APLF: variants seen among roughly 807,000 people sequenced by gnomAD.
APLF encodes the protein aprataxin and PNKP like factor.
A neutral mutation model predicts 55.6 loss-of-function variants in APLF; 61 were observed. That is an observed-to-expected ratio of 1.10 (90% CI 0.89 to 1.36). The LOEUF (loss-of-function observed/expected upper bound fraction) is 1.36, where lower values mean the gene tolerates loss of function less well. Ranked by LOEUF, APLF falls within the 40% of genes most tolerant of loss-of-function variation. The pLI, the probability that APLF is intolerant of heterozygous loss-of-function variation, is 0.00. For missense variants in APLF, 611 were observed against 602.5 expected (o/e 1.01, Z -0.15); for synonymous variants, 207 against 214.8 (o/e 0.96, Z 0.32).
rs1272581881 is a variant in APLF at position 68,579,123 on chromosome 2, T to C, written c.*1101T>C. ...TGTTAAATGCTATTATTTTCTACTC[T>C]AAAGGAACCTAAAAATTTATATCTT... On this transcript the variant is annotated 3_prime_UTR_variant, in exon 10 of 10. Coordinates refer to ENST00000303795, the MANE Select transcript of APLF (RefSeq NM_173545.3). The C allele has an allele frequency of 7.7e-6, 7 of 914,298 alleles. No individual in the cohort carries two copies. The highest frequency in any genetic ancestry group is 9.1e-6 in the Non-Finnish European group (7 of 765,592). The allele number at this position is 914,298 out of a possible 1,614,324, so 56.6% of individuals were successfully genotyped here.
chr2:68,526,336 C>G, intron 6 of APLF, 94 bp downstream of exon 6: 1 of 1,456,714 alleles, frequency 6.9e-7, no homozygotes, highest in Non-Finnish European at 9.4e-7. Context: ...TCAAAACTGC[C>G]TTTTATTGTT....
intron 1 of APLF, among the ~76,000 whole-genome samples, chr2:68,486,950 C>G (rs1676194994): frequency 2.0e-5 from 3 of 152,130 alleles, no homozygotes; most frequent in South Asian, 4.1e-4. Flanking sequence ...TAAATGGCCT[C>G]TAACCAGTGT....
rs1671731366 is a variant in APLF at position 68,580,133 on chromosome 2, A to G, written c.*2111A>G. ...CCTGAAGACACTTTTGAGTATAACT[A>G]TTGTATAAATAAATGTATAGCTTAA... On this transcript the variant is annotated 3_prime_UTR_variant, in exon 10 of 10. Coordinates refer to ENST00000303795, the MANE Select transcript of APLF (RefSeq NM_173545.3). The G allele has an allele frequency of 9.6e-6, 9 of 935,566 alleles. No individual in the cohort carries two copies. Among genetic ancestry groups the G allele is most frequent in the African/African-American group, 1.8e-5 (1 of 56,226 alleles). 58.0% of individuals were successfully genotyped at this position (935,566 alleles called of 1,614,324 possible).
rs1172926696 is a variant in APLF at position 68,467,800 on chromosome 2, G to T, written c.69G>T (p.Thr23=). Residue 23 remains threonine (T), a synonymous_variant, in exon 1 of 10, where the codon ACG becomes ACT. Transcript: ENST00000303795. ...GGGTGGCCCTGGCGCCCGGGGAGACGGTGATCGGCCGCGGGCCGCTGCTGG... is the reference window on the plus strand; with the variant it reads ...GGGTGGCCCTGGCGCCCGGGGAGACTGTGATCGGCCGCGGGCCGCTGCTGG... ...GPRVALAPGE[T]VIGRGPLLGI... is the part of the protein sequence containing the mutation. 1 of 1,233,990 alleles carries T rather than the reference G, an allele frequency of 8.1e-7. No homozygotes were observed. Among genetic ancestry groups the T allele is most frequent in the Non-Finnish European group, 1.0e-6 (1 of 988,168 alleles). The allele number at this position is 1,233,990 out of a possible 1,614,324, so 76.4% of individuals were successfully genotyped here.
chr2:68,517,467 A>G (rs1160738545), intron 5 of APLF, among the ~76,000 whole-genome samples: 1 of 138,938 alleles, frequency 7.2e-6, no homozygotes, highest in African/African-American at 2.6e-5. Context: ...TTAATATATC[A>G]ATGTTATTAC....
intron 2 of APLF, among the ~76,000 whole-genome samples, chr2:68,494,735 T>C (rs1460589578): frequency 6.6e-6 from 1 of 152,154 alleles, no homozygotes; most frequent in Non-Finnish European, 1.5e-5. Flanking sequence ...CTCCCACTTA[T>C]AAGTGAGAAC....
chr2:68,513,296 C>G, intron 4 of APLF, 69 bp downstream of exon 4: 1 of 1,492,634 alleles, frequency 6.7e-7, no homozygotes, highest in Admixed American at 2.4e-5. Context: ...GAAAAGACAA[C>G]TGAAATTAGG....
At chr2:68,551,848 A>G (rs182348232) in intron 8 of APLF, among the ~76,000 whole-genome samples, 1 of 151,972 alleles carries the variant, frequency 6.6e-6, no homozygotes, top group African/African-American at 2.4e-5. Flanking sequence ...AATGAAAAGA[A>G]CTATAGGTAC....
chr2:68,527,811 C>T (rs1369991693), intron 6 of APLF, among the ~76,000 whole-genome samples: 1 of 150,620 alleles, frequency 6.6e-6, no homozygotes, highest in African/African-American at 2.5e-5. Flanking sequence ...CCTCACTGCC[C>T]AGATGGTGCG....
chr2:68,518,676 T>A (rs1669755938), intron 5 of APLF, among the ~76,000 whole-genome samples: 1 of 118,704 alleles, frequency 8.4e-6, no homozygotes, highest in Admixed American at 9.2e-5. Flanking sequence ...AATCAATATA[T>A]CATGAATATA....
chr2:68,489,919 A>G (rs1294552979), intron 1 of APLF, among the ~76,000 whole-genome samples: 2 of 152,192 alleles, frequency 1.3e-5, no homozygotes, highest in African/African-American at 2.4e-5. Context: ...TCTGTCATGA[A>G]TGGAAACTAT....
rs866914513 is a variant in APLF, at chr2:68,529,289, C to T, written c.804+3047C>T. ...AAAAGAAGGCCCAAGATGTCGCTGA[C>T]GGTTGAAGAGGAGTGGGAAACAGCC... On this transcript the variant is annotated intron_variant, in intron 6 of 9. Transcript: ENST00000303795. This position sits in a 1 kb window ranked among gnomAD's most constrained non-coding sequence, Gnocchi z 4.4. 1.3e-4 allele frequency: 173 copies of T among 1,353,256 alleles called. No homozygotes were observed. The highest frequency in any genetic ancestry group is 9.0e-4 in the African/African-American group (61 of 67,980). 83.8% of individuals were successfully genotyped at this position (1,353,256 alleles called of 1,614,324 possible). A position where few individuals can be genotyped will look rare whatever the true frequency, so the allele number is the denominator to read the frequency against.
At chr2:68,504,154 A>G (rs954037499) in intron 3 of APLF, among the ~76,000 whole-genome samples, 2 of 152,032 alleles carry the variant, frequency 1.3e-5, no homozygotes, top group African/African-American at 4.8e-5. Flanking sequence ...GATGAATTCT[A>G]TATTCATTTT....
intron 1 of APLF, among the ~76,000 whole-genome samples, chr2:68,476,164 A>G (rs1287961186): frequency 6.6e-6 from 1 of 151,900 alleles, no homozygotes; most frequent in Non-Finnish European, 1.5e-5. Flanking sequence ...TTTTGTGTGT[A>G]TTATGCTCTT....
chr2:68,570,521 C>T (rs554365435), intron 9 of APLF, among the ~76,000 whole-genome samples: 4 of 151,608 alleles, frequency 2.6e-5, no homozygotes, highest in African/African-American at 9.7e-5. Flanking sequence ...TCAGTTCCCA[C>T]CTATAAGTGA....
intron 9 of APLF, among the ~76,000 whole-genome samples, chr2:68,574,221 A>G (rs181452030): frequency 2.4e-4 from 37 of 152,132 alleles, no homozygotes; most frequent in African/African-American, 8.7e-4. Flanking sequence ...GCCCAGTTAC[A>G]CTGAAAGGCA....
intron 1 of APLF, among the ~76,000 whole-genome samples, chr2:68,473,803 G>C (rs1409541054): frequency 1.3e-5 from 2 of 152,170 alleles, no homozygotes; most frequent in Non-Finnish European, 2.9e-5. Flanking sequence ...TGAATATGTG[G>C]TTATTTCTCC....
At chr2:68,561,106 G>C (rs1049119462) in intron 8 of APLF, among the ~76,000 whole-genome samples, 6 of 152,048 alleles carry the variant, frequency 3.9e-5, no homozygotes, top group Non-Finnish European at 7.4e-5. Flanking sequence ...CCAGCACATA[G>C]GATTTCTAGC....
At chr2:68,515,292 AATAT>A (rs67524979) in intron 5 of APLF, among the ~76,000 whole-genome samples, 14,238 of 148,214 alleles carry the variant, frequency 0.096, 804 homozygotes, top group African/African-American at 0.15. Flanking sequence ...CTTCATGTGT[AATAT>A]ATATATATAT....
Sources: gnomAD v4.1 joint callset for allele counts (sites outside exome capture counted in the v4.1 genomes callset) on GRCh38, gnomAD v4.1.1 for gene constraint, Gnocchi (gnomAD v3.1) non-coding constraint, MANE v1.5 for transcripts, NCBI Gene and HGNC (gene_info 2026-07-23, HGNC 2026-07-21) for gene names.